OVCH1: variants seen among roughly 807,000 people sequenced by gnomAD.
OVCH1 encodes the protein ovochymase-1.
In OVCH1, 139 loss-of-function variants were observed where a neutral mutation model predicts 138.4. The ratio of observed to expected loss-of-function variants is 1.00; its 90% confidence interval spans 0.87 to 1.16. OVCH1 has a LOEUF of 1.16. OVCH1 is among the 50% of genes most tolerant of loss of function. OVCH1 has a pLI of 0.00. For synonymous variants in OVCH1, 453 were observed against 467.8 expected, an observed-to-expected ratio of 0.97 and a Z score of 0.41; for missense variants, 1,367 against 1,357.9, an observed-to-expected ratio of 1.01 and a Z score of -0.11.
At chr12:29,454,784 T>C in intron 21 of OVCH1, 57 bp downstream of exon 21, 1 of 1,458,636 alleles carries the variant, frequency 6.9e-7, no homozygotes, top group Non-Finnish European at 9.5e-7. Flanking sequence ...AGACAGACAA[T>C]GCTTCTTGCC....
In OVCH1 at chr12:29,473,048, G is replaced by A. The variant is rs569807825; in HGVS notation, c.1656C>T (p.Thr552=). The A allele has an allele frequency of 9.9e-6, 16 of 1,610,706 alleles. No homozygotes were observed. The South Asian group carries it at 1.1e-4, about 11-fold the overall frequency. Residue 552 remains threonine (T), a synonymous_variant, in exon 15 of 28, where the codon ACC becomes ACT. Transcript: ENST00000318184. ...ACTCACCATGCAGAATAGCTTTTAC[G>A]GTAGATACAGGATTGTTTTGGGGAG... is the stretch of plus-strand genomic sequence containing the variant.
At chr12:29,473,961 A>G (rs778477778) in intron 14 of OVCH1, among the ~76,000 whole-genome samples, 1 of 151,984 alleles carries the variant, frequency 6.6e-6, no homozygotes, top group Non-Finnish European at 1.5e-5. Flanking sequence ...ACTGGACTCC[A>G]AGTTCTTCAG....
chr12:29,454,541 A>G (rs1451283192), intron 21 of OVCH1, among the ~76,000 whole-genome samples: 1 of 152,172 alleles, frequency 6.6e-6, no homozygotes, highest in African/African-American at 2.4e-5. Context: ...ATACTTGCAT[A>G]TAGAAGGACT....
intron 7 of OVCH1, chr12:29,486,949 G>A (rs1943127622): frequency 2.2e-6 from 1 of 455,738 alleles, no homozygotes; most frequent in Non-Finnish European, 4.4e-6. Context: ...GAGCAGTGAA[G>A]AGGCCTTTTA....
intron 6 of OVCH1, among the ~76,000 whole-genome samples, chr12:29,488,842 A>T (rs1351907217): frequency 1.3e-5 from 2 of 152,162 alleles, no homozygotes; most frequent in Non-Finnish European, 2.9e-5. Flanking sequence ...GCAGATAGGA[A>T]AAAGCACCTT....
At chr12:29,413,217 C>G (rs1033098047) in intron 3 of OVCH1, among the ~76,000 whole-genome samples, 3 of 152,130 alleles carry the variant, frequency 2.0e-5, no homozygotes, top group Non-Finnish European at 4.4e-5. Context: ...ATCTATTACT[C>G]AAAAGGGATC....
chr12:29,475,000 T>G (rs1322463898), intron 14 of OVCH1, 61 bp downstream of exon 14: 9 of 1,510,594 alleles, frequency 6.0e-6, no homozygotes, highest in Non-Finnish European at 8.0e-6. Context: ...ATGGCTAAAT[T>G]ATCTTCCCTG....
At chr12:29,429,472 G>GT (rs1941232846) in intron 27 of OVCH1, among the ~76,000 whole-genome samples, 3 of 152,190 alleles carry the variant, frequency 2.0e-5, no homozygotes, top group Non-Finnish European at 4.4e-5. Flanking sequence ...TGTAGGTCAT[G>GT]TTTTACATGT....
At chr12:29,405,056 AC>A in the OVCH1 span, among the ~76,000 whole-genome samples, 2,450 of 111,620 alleles carry the variant, frequency 0.022, 281 homozygotes, top group Admixed American at 0.033. Context: ...AAAAAAAAAA[AC>A]AAAAGAAATG....
chr12:29,497,428 A>C (rs10771544), intron 1 of OVCH1, among the ~76,000 whole-genome samples, 195 bp downstream of exon 1: 87,930 of 151,958 alleles, frequency 0.58, 25,785 homozygotes, highest in Middle Eastern at 0.64. Context: ...AATGCAAAAA[A>C]TTTCAAAAAG....
intron 25 of OVCH1, among the ~76,000 whole-genome samples, chr12:29,441,223 T>C (rs979877243): frequency 2.0e-5 from 3 of 152,102 alleles, no homozygotes; most frequent in African/African-American, 7.2e-5. Flanking sequence ...CAAACTATAC[T>C]ACAAGGCTAC....
intron 27 of OVCH1, among the ~76,000 whole-genome samples, chr12:29,431,687 G>T (rs1301712758): frequency 1.3e-5 from 2 of 151,906 alleles, no homozygotes; most frequent in Admixed American, 6.6e-5. Flanking sequence ...TGTTTTATCT[G>T]CAATCTTAAG....
At chr12:29,417,049 G>A (rs1301342099) in intron 3 of OVCH1, among the ~76,000 whole-genome samples, 2 of 152,202 alleles carry the variant, frequency 1.3e-5, no homozygotes, top group Non-Finnish European at 2.9e-5. Context: ...CCAGGGGACT[G>A]TGCTGAGTGG....
chr12:29,440,468 A>G (rs1443292780), intron 25 of OVCH1: 3 of 268,028 alleles, frequency 1.1e-5, no homozygotes, highest in Non-Finnish European at 2.2e-5. Context: ...AAACTCCTCC[A>G]AGCAGCACAA....
At chr12:29,436,848 A>G (rs1486236562) in intron 26 of OVCH1, among the ~76,000 whole-genome samples, 2 of 152,222 alleles carry the variant, frequency 1.3e-5, no homozygotes, top group African/African-American at 2.4e-5. Flanking sequence ...GTGCGGACCC[A>G]AAGAGTGAGC....
At chr12:29,411,793 G>GCTGC, downstream of OVCH1, among the ~76,000 whole-genome samples, 1 of 50,700 alleles carries the variant, frequency 2.0e-5, no homozygotes, top group East Asian at 6.1e-4. Context: ...CCTGTTCTCA[G>GCTGC]ATATCCAGCT....
chr12:29,409,021 C>T (rs866731581), downstream of OVCH1, among the ~76,000 whole-genome samples: 2 of 152,208 alleles, frequency 1.3e-5, no homozygotes, highest in Non-Finnish European at 1.5e-5. Flanking sequence ...TCAACTTCTT[C>T]CTGGTTTAGT....
intron 23 of OVCH1, 53 bp from the exon 24 acceptor site, chr12:29,444,333 T>G: frequency 6.5e-7 from 1 of 1,546,966 alleles, no homozygotes; most frequent in South Asian, 1.2e-5. Context: ...TTTAACAGGC[T>G]TCCTATATGC....
intron 4 of OVCH1, among the ~76,000 whole-genome samples, chr12:29,491,906 C>T (rs1049052370): frequency 2.6e-5 from 4 of 151,996 alleles, no homozygotes; most frequent in Non-Finnish European, 4.4e-5. Context: ...CAAATTATCA[C>T]GTGGCAAGCA....
Sources: allele counts gnomAD v4.1 joint callset (sites outside exome capture counted in the v4.1 genomes callset), GRCh38; gene constraint gnomAD v4.1.1; transcripts MANE v1.5; gene names NCBI Gene and HGNC (gene_info 2026-07-23, HGNC 2026-07-21).